The following DMD variants were observed in gnomAD, a reference collection of about 807,000 sequenced individuals.
DMD encodes dystrophin.
A neutral mutation model predicts 330.1 loss-of-function variants in DMD; 63 were observed. That is an observed-to-expected ratio of 0.19 (90% CI 0.16 to 0.24). DMD has a LOEUF of 0.24. Ranked by LOEUF, DMD falls within the 10% of genes least tolerant of loss-of-function variation. The probability of loss-of-function intolerance (pLI) is 1.00; values close to 1 mark genes in which losing one functional copy is unlikely to be tolerated. For missense variants in DMD, 3,344 were observed against 2,684.1 expected, an observed-to-expected ratio of 1.25 and a Z score of -5.43; for synonymous variants, 1,223 against 959.8, an observed-to-expected ratio of 1.27 and a Z score of -5.07.
At chrX:31,565,789 C>T (rs746636202) in intron 55 of DMD, among the ~76,000 whole-genome samples, 12 of 112,179 alleles carry the variant, frequency 1.1e-4, no homozygotes, top group Admixed American at 9.5e-4. Flanking sequence ...GGTGTTGTAA[C>T]TACTTTGTTT....
intron 44 of DMD, among the ~76,000 whole-genome samples, chrX:32,103,645 C>A (rs1292285925): frequency 3.6e-5 from 4 of 112,217 alleles, no homozygotes; most frequent in Admixed American, 2.8e-4. Context: ...TTTAATAGAA[C>A]AAATGCAAGT....
At chrX:32,393,101 CT>C (rs1329868306) in intron 30 of DMD, among the ~76,000 whole-genome samples, 9 of 112,182 alleles carry the variant, frequency 8.0e-5, no homozygotes, top group Non-Finnish European at 1.5e-4. Flanking sequence ...GCATTAGTCC[CT>C]TCTTGAGTCA....
intron 7 of DMD, among the ~76,000 whole-genome samples, chrX:32,789,605 A>T (rs73462828): frequency 0.063 from 7,078 of 111,599 alleles, 538 homozygotes; most frequent in African/African-American, 0.22. Context: ...GAAGAGATAA[A>T]CCCTGGATTT....
chrX:31,175,052 T>C (rs1253498528), intron 71 of DMD, among the ~76,000 whole-genome samples: 1 of 112,211 alleles, frequency 8.9e-6, no homozygotes, highest in Non-Finnish European at 1.9e-5. Flanking sequence ...GTTAATCTTC[T>C]AGAACCCTGG....
rs1384918904 is a variant in DMD, at chrX:32,441,312, T to C, written c.3789A>G (p.Glu1263=). 44 of 1,204,484 alleles carry C rather than the reference T, an allele frequency of 3.7e-5. No homozygotes were observed. The highest frequency in any genetic ancestry group is 4.9e-5 in the Non-Finnish European group (44 of 890,749). ...ATAACTCATGCCAACATGCCCAAAC[T>C]TCCTAAGAAAGAAATATATATCACA... ...RLNGKCKTLE[E]VWACWHELLS... The change falls in exon 28 of 79, where the codon GAA becomes GAG. Residue 1263 remains glutamate (E), a splice_region_variant and synonymous_variant. Coordinates refer to ENST00000357033, the MANE Select transcript of DMD (RefSeq NM_004006.3).
intron 1 of DMD, among the ~76,000 whole-genome samples, chrX:33,045,150 A>G (rs1396981719): frequency 9.0e-6 from 1 of 111,168 alleles, no homozygotes; most frequent in Non-Finnish European, 1.9e-5. Flanking sequence ...CCTCACAACT[A>G]GGCTGAGAAC....
intron 1 of DMD, among the ~76,000 whole-genome samples, chrX:33,056,651 C>T: frequency 9.0e-6 from 1 of 110,681 alleles, no homozygotes; most frequent in African/African-American, 3.3e-5. Context: ...TGTGAGCCAC[C>T]GCGCCCCGGC....
intron 48 of DMD, among the ~76,000 whole-genome samples, chrX:31,859,316 C>T (rs1199122784): frequency 8.9e-6 from 1 of 111,965 alleles, no homozygotes; most frequent in Non-Finnish European, 1.9e-5. Flanking sequence ...GGTGAAATCA[C>T]TATTTCAGAG....
intron 53 of DMD, among the ~76,000 whole-genome samples, chrX:31,660,969 A>G (rs1387418237): frequency 8.9e-6 from 1 of 111,928 alleles, no homozygotes; most frequent in Non-Finnish European, 1.9e-5. Flanking sequence ...CATAATCAAT[A>G]GATCATAAAA....
chrX:31,458,389 T>A (rs1481373261), intron 59 of DMD, among the ~76,000 whole-genome samples: 6 of 110,076 alleles, frequency 5.5e-5, no homozygotes, highest in Non-Finnish European at 1.9e-5. Flanking sequence ...CCTGTAATAG[T>A]CTGTTATGAC....
chrX:33,317,109 A>G (rs1385429831), intron 1 of DMD, among the ~76,000 whole-genome samples: 1 of 111,095 alleles, frequency 9.0e-6, no homozygotes, highest in Admixed American at 9.7e-5. Context: ...TTTATTTTGA[A>G]GGTTTTTTTT....
At chrX:32,578,112 C>T (rs758557372) in intron 13 of DMD, among the ~76,000 whole-genome samples, 1 of 110,817 alleles carries the variant, frequency 9.0e-6, no homozygotes, top group Non-Finnish European at 1.9e-5. Flanking sequence ...AATTGTTAGA[C>T]AAGTGTAAGA....
intron 9 of DMD, among the ~76,000 whole-genome samples, chrX:32,676,853 C>T (rs1238093219): frequency 9.0e-6 from 1 of 111,227 alleles, no homozygotes; most frequent in Non-Finnish European, 1.9e-5. Flanking sequence ...CAGTGTTAAT[C>T]ATTGTCCGTA....
chrX:32,636,180 C>A (rs1393537012), intron 11 of DMD, among the ~76,000 whole-genome samples: 2 of 112,110 alleles, frequency 1.8e-5, no homozygotes, highest in Non-Finnish European at 3.8e-5. Flanking sequence ...CTTTACAGCA[C>A]CTTCTTTCCC....
chrX:32,027,164 G>GCACACACACACA lies in DMD; in HGVS notation c.6439-58662_6439-58651dup, dbSNP rs757441503. ...TTATGACACACACACACACGCACGT[G>GCACACACACACA]CACACACACACACACACACAGAGAG... On this transcript the variant is annotated intron_variant, in intron 44 of 78. Transcript: ENST00000357033. 4.9e-3 allele frequency among the ~76,000 whole-genome samples: 440 copies of GCACACACACACA among 89,503 alleles called. 3 individuals are homozygous for GCACACACACACA. Among genetic ancestry groups the GCACACACACACA allele is most frequent in the African/African-American group, 0.018 (418 of 22,764 alleles). 77.7% of individuals were successfully genotyped at this position (89,503 alleles called of 115,157 possible).
Position 32,472,178 on chromosome X carries a change from G to T in DMD, c.2935C>A (p.Leu979Ile). The T allele has an allele frequency of 8.3e-7, 1 of 1,211,350 alleles. No homozygotes were observed. Among genetic ancestry groups the T allele is most frequent in the Non-Finnish European group, 1.1e-6 (1 of 895,244 alleles). ...TATTCACAGACCTGCAATTCCCCGA[G>T]TCTCTGCTCCATGATTTCATAGTCG... The part of the protein sequence containing the change: ...VTDYEIMEQR[L>I]GELQALQSSL... The change falls in exon 22 of 79, where the codon CTC (leucine) becomes ATC (isoleucine). Residue 979 changes from leucine to isoleucine, a missense_variant. Leu to Ile is a conservative substitution (Grantham distance 5). Coordinates refer to ENST00000357033, the MANE Select transcript of DMD (RefSeq NM_004006.3).
intron 2 of DMD, among the ~76,000 whole-genome samples, chrX:32,898,796 G>T (rs1304040384): frequency 9.0e-6 from 1 of 111,223 alleles, no homozygotes; most frequent in African/African-American, 3.3e-5. Context: ...GTCGCTGCCT[G>T]CTGGTACCTG....
chrX:32,980,239 G>A (rs1569546951), intron 2 of DMD, among the ~76,000 whole-genome samples: 1 of 107,311 alleles, frequency 9.3e-6, no homozygotes, highest in Non-Finnish European at 1.9e-5. Flanking sequence ...AGTAGCAGGC[G>A]CCTGTAATCC....
At chrX:33,124,368 C>T (rs1351251910) in intron 1 of DMD, among the ~76,000 whole-genome samples, 9 of 97,986 alleles carry the variant, frequency 9.2e-5, no homozygotes, top group Middle Eastern at 6.3e-3. Flanking sequence ...CCCAGCTATT[C>T]GGGAGGCTGA....
Sources: gnomAD v4.1 joint callset for allele counts (sites outside exome capture counted in the v4.1 genomes callset) on GRCh38, gnomAD v4.1.1 for gene constraint, MANE v1.5 for transcripts, NCBI Gene and HGNC (gene_info 2026-07-23, HGNC 2026-07-21) for gene names.